SYNE2: variants seen among roughly 807,000 people sequenced by gnomAD.
SYNE2 encodes the protein spectrin repeat containing nuclear envelope protein 2, also known as nesprin-2.
In SYNE2, 431 loss-of-function variants were observed where a neutral mutation model predicts 856.3. The observed-to-expected ratio is 0.50, with a 90% CI of 0.47 to 0.55. SYNE2 has a LOEUF of 0.55. Ranked by LOEUF, SYNE2 falls within the 20% of genes least tolerant of loss-of-function variation. The pLI is 0.00. For synonymous variants in SYNE2, 2,923 were observed against 2,872.3 expected (o/e 1.02, Z -0.56); for missense variants, 8,129 against 8,023.2 (o/e 1.01, Z -0.50).
At chr14:64,136,095 G>A (rs919095645) in intron 78 of SYNE2, among the ~76,000 whole-genome samples, 4 of 152,070 alleles carry the variant, frequency 2.6e-5, no homozygotes, top group Non-Finnish European at 5.9e-5. Flanking sequence ...TTTGAGACCA[G>A]CCTAGCCAAT....
In SYNE2 at chr14:64,122,089, G is replaced by A; in HGVS notation, c.13236G>A (p.Gln4412=). ...TTAATGCTAAGAAAATGTGGCCCCA[G>A]TATTGCCAACATGATAACGATACAA... ...IEFNAKKMWP[Q]YCQHDNDTTQ... is the part of the protein sequence containing the mutation. The change falls in exon 69 of 116, where the codon CAG becomes CAA. Residue 4412 remains glutamine (Q), a synonymous_variant. Coordinates refer to ENST00000555002, the MANE Select transcript of SYNE2 (RefSeq NM_182914.3). 2 of 1,614,084 alleles carry A rather than the reference G, an allele frequency of 1.2e-6. No individual in the cohort carries two copies.
At position 64,128,564 on chromosome 14, in the gene SYNE2, C is replaced by A. The variant is rs765099220; in HGVS notation, c.14019+11C>A. Reference sequence around the variant, plus strand: ...GCTGAACAGCTTCAGGTAATCAAGTCAAAATAATTCAGACTGACTTAACTT... The same window carrying A: ...GCTGAACAGCTTCAGGTAATCAAGTAAAAATAATTCAGACTGACTTAACTT... On this transcript the variant is annotated intron_variant, in intron 74 of 115. Coordinates refer to ENST00000555002, the MANE Select transcript of SYNE2 (RefSeq NM_182914.3). The A allele has an allele frequency of 4.0e-6, 6 of 1,515,174 alleles. No individual in the cohort carries two copies. In the African/African-American group the frequency reaches 8.2e-5, roughly 21 times the overall value. The allele number at this position is 1,515,174 out of a possible 1,614,324, so 93.9% of individuals were successfully genotyped here.
At chr14:64,092,474 T>G (rs2097631355) in intron 60 of SYNE2, among the ~76,000 whole-genome samples, 1 of 152,178 alleles carries the variant, frequency 6.6e-6, no homozygotes, top group Non-Finnish European at 1.5e-5. Flanking sequence ...CGGGATGTAG[T>G]TCATTATTGA....
chr14:63,829,274 G>A (rs1889579874), intron 1 of SYNE2, among the ~76,000 whole-genome samples: 1 of 151,940 alleles, frequency 6.6e-6, no homozygotes, highest in African/African-American at 2.4e-5. Context: ...AAAACGAGCT[G>A]GTTGTTGTGG....
intron 1 of SYNE2, among the ~76,000 whole-genome samples, chr14:63,809,559 A>G (rs1299520843): frequency 6.6e-6 from 1 of 152,162 alleles, no homozygotes; most frequent in Non-Finnish European, 1.5e-5. Context: ...AGCTCTCTGC[A>G]TCCTCCACTC....
intron 99 of SYNE2, chr14:64,190,781 A>C: frequency 1.5e-6 from 1 of 658,556 alleles, no homozygotes; most frequent in South Asian, 1.7e-5. Context: ...CCCAGTCCTA[A>C]ATCAAAGGAC....
At chr14:64,002,573 T>A in intron 29 of SYNE2, 147 bp from the exon 30 acceptor site, 1 of 835,400 alleles carries the variant, frequency 1.2e-6, no homozygotes, top group Non-Finnish European at 1.8e-6. Flanking sequence ...AATTAAAATG[T>A]TTCCTTAGGT....
intron 30 of SYNE2, among the ~76,000 whole-genome samples, chr14:64,004,840 C>T (rs1278687063): frequency 1.3e-5 from 2 of 152,104 alleles, no homozygotes; most frequent in Non-Finnish European, 2.9e-5. Flanking sequence ...GCACCACTGC[C>T]CTCCATCCTG....
intron 6 of SYNE2, among the ~76,000 whole-genome samples, chr14:63,947,289 A>G (rs114406385): frequency 0.01 from 1,529 of 152,330 alleles, 16 homozygotes; most frequent in African/African-American, 0.035. Flanking sequence ...ACCACTAGCC[A>G]CTTGTGCTAT....
chr14:64,168,804 T>C (rs2098396210), intron 92 of SYNE2, 73 bp from the exon 93 acceptor site: 2 of 1,025,860 alleles, frequency 1.9e-6, no homozygotes, highest in Non-Finnish European at 3.0e-6. Context: ...TAGATTTTAA[T>C]AGGAAATGTA....
intron 1 of SYNE2, among the ~76,000 whole-genome samples, chr14:63,783,185 T>G (rs954847189): frequency 6.6e-6 from 1 of 152,106 alleles, no homozygotes. Flanking sequence ...GTGAATGAGT[T>G]CTCGCGAGAT....
At chr14:63,856,917 A>G (rs1243997837) in intron 1 of SYNE2, among the ~76,000 whole-genome samples, 3 of 151,976 alleles carry the variant, frequency 2.0e-5, no homozygotes, top group Non-Finnish European at 4.4e-5. Flanking sequence ...CTACAGGTGC[A>G]CACTACCATG....
chr14:63,808,190 A>C (rs1888458376), intron 1 of SYNE2, among the ~76,000 whole-genome samples: 1 of 151,642 alleles, frequency 6.6e-6, no homozygotes, highest in Non-Finnish European at 1.5e-5. Context: ...GGCCTCCTAA[A>C]GTGTTGAGAT....
In SYNE2 at chr14:63,799,118, A is replaced by G. The variant is rs962946009; in HGVS notation, c.-305+37132A>G. 2.6e-5 allele frequency among the ~76,000 whole-genome samples: 4 copies of G among 152,210 alleles called. No homozygotes were observed. In the East Asian group the frequency reaches 7.7e-4, roughly 29 times the overall value. ...TTATGAGACAGACTTTCGCTCTGTCATCCAGCCTGGAGTGCAGTGGCGCAA... is the reference window on the plus strand; with the variant it reads ...TTATGAGACAGACTTTCGCTCTGTCGTCCAGCCTGGAGTGCAGTGGCGCAA... On this transcript the variant is annotated intron_variant, in intron 1 of 23. Transcript: ENST00000674003.
At chr14:63,993,077 AC>A (rs2096682111) in intron 21 of SYNE2, among the ~76,000 whole-genome samples, 1 of 152,214 alleles carries the variant, frequency 6.6e-6, no homozygotes, top group Non-Finnish European at 1.5e-5. Flanking sequence ...AGGAGCAGAC[AC>A]ATACCTGTCA....
intron 22 of SYNE2, among the ~76,000 whole-genome samples, chr14:63,994,297 T>C (rs891306488): frequency 1.4e-4 from 21 of 152,224 alleles, no homozygotes; most frequent in Admixed American, 6.5e-5. Context: ...GATTATGTTC[T>C]GGTAATTAAT....
chr14:63,960,892 A>T (rs932893428), intron 8 of SYNE2: 8 of 590,812 alleles, frequency 1.4e-5, no homozygotes, highest in Non-Finnish European at 2.1e-5. Context: ...AAAATAAAAA[A>T]TAAGATAAAT....
At chr14:64,202,258 C>T (rs1440281276) in intron 99 of SYNE2, 1 of 702,334 alleles carries the variant, frequency 1.4e-6, no homozygotes. Flanking sequence ...ACCCCTCATA[C>T]TGAAGCGGTA....
At chr14:63,943,635 CTG>C (rs2095961910) in intron 6 of SYNE2, among the ~76,000 whole-genome samples, 2 of 150,376 alleles carry the variant, frequency 1.3e-5, no homozygotes, top group Admixed American at 6.7e-5. Context: ...TAAATTGTAT[CTG>C]TGTTTTATTT....
Sources: gnomAD v4.1 joint callset for allele counts (sites outside exome capture counted in the v4.1 genomes callset) on GRCh38, gnomAD v4.1.1 for gene constraint, MANE v1.5 for transcripts, NCBI Gene and HGNC (gene_info 2026-07-23, HGNC 2026-07-21) for gene names.